Variants in TCF4 observed in about 807,000 individuals in gnomAD.
The protein encoded by TCF4 is SL3-3 enhancer factor 2.
In TCF4, 3 loss-of-function variants were observed where a neutral mutation model predicts 82.1. The observed-to-expected ratio is 0.04, with a 90% CI of 0.02 to 0.09. TCF4 has a LOEUF of 0.09. Among genes scored for constraint, TCF4 ranks in the 10% least tolerant of loss-of-function variants. The pLI is 1.00. For missense variants in TCF4, 518 were observed against 852.7 expected (o/e 0.61, Z 4.89); for synonymous variants, 276 against 309.6 (o/e 0.89, Z 1.14).
chr18:55,228,303 G>A lies in TCF4; in HGVS notation c.1938C>T (p.Ser646=). The change falls in exon 19 of 20, where the codon TCC becomes TCT. Residue 646 remains serine, a synonymous_variant. Coordinates refer to ENST00000354452, the MANE Select transcript of TCF4 (RefSeq NM_001083962.2). Reference sequence around the variant, plus strand: ...CCAAGGAGAGAGGGGGAGGCTCTGAGGACACCTTCTCTTCCTCCCTTCTTT... The same window carrying A: ...CCAAGGAGAGAGGGGGAGGCTCTGAAGACACCTTCTCTTCCTCCCTTCTTT... The part of the protein sequence containing the change: ...CLKRREEEKV[S]SEPPPLSLAG... The A allele has an allele frequency of 1.2e-6, 2 of 1,614,126 alleles. No individual in the cohort carries two copies. The highest frequency in any genetic ancestry group is 1.1e-5 in the South Asian group (1 of 91,078).
chr18:55,561,508 C>T (rs771950586), intron 3 of TCF4, among the ~76,000 whole-genome samples: 9 of 152,080 alleles, frequency 5.9e-5, no homozygotes, highest in Non-Finnish European at 8.8e-5. Context: ...CAGTGCTATA[C>T]GATGCAAAAT....
intron 8 of TCF4, among the ~76,000 whole-genome samples, chr18:55,286,668 G>C (rs2063760696): frequency 6.6e-6 from 1 of 152,190 alleles, no homozygotes. Context: ...AGACAGTGCA[G>C]GTGAACAGTC....
chr18:55,352,660 T>C (rs545498659), intron 6 of TCF4, among the ~76,000 whole-genome samples: 33 of 152,278 alleles, frequency 2.2e-4, no homozygotes, highest in African/African-American at 7.7e-4. Flanking sequence ...TTTGAACTTA[T>C]GAGACATATT....
intron 15 of TCF4, among the ~76,000 whole-genome samples, chr18:55,246,415 C>T (rs1244453560): frequency 6.6e-6 from 1 of 152,114 alleles, no homozygotes; most frequent in Admixed American, 6.6e-5. Context: ...CAATGCCAGA[C>T]TGTTTCAACA....
At chr18:55,281,602 C>A (rs1182893885) in intron 8 of TCF4, among the ~76,000 whole-genome samples, 1 of 151,954 alleles carries the variant, frequency 6.6e-6, no homozygotes, top group East Asian at 1.9e-4. Context: ...AAAATCAATT[C>A]TTTTCATATA....
At chr18:55,398,835 A>G (rs2093641311) in intron 6 of TCF4, among the ~76,000 whole-genome samples, 2 of 152,188 alleles carry the variant, frequency 1.3e-5, no homozygotes, top group South Asian at 4.1e-4. Flanking sequence ...GAGTTTACAG[A>G]ATCCTGTGGA....
chr18:55,361,366 A>T (rs1427396951), intron 6 of TCF4, among the ~76,000 whole-genome samples: 4 of 152,150 alleles, frequency 2.6e-5, no homozygotes, highest in Non-Finnish European at 5.9e-5. Context: ...TGGGCCAGCC[A>T]CTGTTCTAGG....
intron 6 of TCF4, among the ~76,000 whole-genome samples, chr18:55,398,189 T>C (rs1007742911): frequency 1.3e-5 from 2 of 152,178 alleles, no homozygotes; most frequent in Non-Finnish European, 2.9e-5. Context: ...CTTTGATAAG[T>C]ACCGGCTGAC....
chr18:55,592,061 A>G (rs953153076), upstream of TCF4, among the ~76,000 whole-genome samples: 15 of 152,276 alleles, frequency 9.9e-5, no homozygotes, highest in African/African-American at 3.4e-4. Context: ...CTGTCACAGA[A>G]TTGTCACAGA....
upstream of TCF4, chr18:55,588,214 G>C: frequency 7.5e-7 from 1 of 1,332,154 alleles, no homozygotes; most frequent in Non-Finnish European, 9.6e-7. Context: ...CAAGATCCCT[G>C]ACTCTTAACA....
intron 15 of TCF4, among the ~76,000 whole-genome samples, chr18:55,238,044 A>G: frequency 6.6e-6 from 1 of 152,250 alleles, no homozygotes; most frequent in South Asian, 2.1e-4. Flanking sequence ...GTCTGCTTCA[A>G]AATGAGCTGG....
chr18:55,311,230 G>A (rs2072317523), intron 8 of TCF4, among the ~76,000 whole-genome samples: 1 of 152,164 alleles, frequency 6.6e-6, no homozygotes, highest in Admixed American at 6.5e-5. Context: ...CTCTATAAAT[G>A]CCTCACAATG....
At chr18:55,441,428 C>G (rs569804281) in intron 5 of TCF4, among the ~76,000 whole-genome samples, 1 of 152,128 alleles carries the variant, frequency 6.6e-6, no homozygotes, top group African/African-American at 2.4e-5. Context: ...CTTTAACATA[C>G]GCAGATAAAT....
At chr18:55,538,026 GCACACACACACACACA>G (rs57686777) in intron 3 of TCF4, among the ~76,000 whole-genome samples, 13 of 131,504 alleles carry the variant, frequency 9.9e-5, no homozygotes, top group African/African-American at 2.7e-4. Flanking sequence ...CTGCGCGCGC[GCACACACACACACACA>G]CACACACACA....
At chr18:55,319,227 T>C (rs1449118038) in intron 8 of TCF4, among the ~76,000 whole-genome samples, 2 of 152,196 alleles carry the variant, frequency 1.3e-5, no homozygotes, top group Admixed American at 1.3e-4. Context: ...GTCTCTTCGA[T>C]AGGCATTTTG....
chr18:55,286,578 G>A (rs2063739705), intron 8 of TCF4, among the ~76,000 whole-genome samples: 1 of 152,154 alleles, frequency 6.6e-6, no homozygotes, highest in Non-Finnish European at 1.5e-5. Flanking sequence ...CAGCATGAGA[G>A]ATTAGTCAAG....
At chr18:55,596,438 A>G (rs1478854160) in intron 2 of TCF4, among the ~76,000 whole-genome samples, 1 of 152,222 alleles carries the variant, frequency 6.6e-6, no homozygotes, top group Non-Finnish European at 1.5e-5. Flanking sequence ...AAATTATTAT[A>G]TCAAATTAAA....
intron 8 of TCF4, chr18:55,321,594 G>A (rs780343590): frequency 3.3e-6 from 5 of 1,533,768 alleles, no homozygotes; most frequent in East Asian, 2.4e-5. Context: ...TGCAAACAAT[G>A]ATCACCACCT....
chr18:55,533,636 A>C (rs2097090081), intron 3 of TCF4, among the ~76,000 whole-genome samples: 1 of 152,222 alleles, frequency 6.6e-6, no homozygotes. Context: ...ACAATGAAAC[A>C]TTTAGTGAAA....
Sources: gnomAD v4.1 joint callset for allele counts (sites outside exome capture counted in the v4.1 genomes callset) on GRCh38, gnomAD v4.1.1 for gene constraint, MANE v1.5 for transcripts, NCBI Gene and HGNC (gene_info 2026-07-23, HGNC 2026-07-21) for gene names.